Variants in TRAK1 observed in about 807,000 individuals in gnomAD.
TRAK1 encodes trafficking kinesin-binding protein 1.
A neutral mutation model predicts 92.1 loss-of-function variants in TRAK1; 33 were observed. The ratio of observed to expected loss-of-function variants is 0.36; its 90% CI spans 0.27 to 0.48. The LOEUF (loss-of-function observed/expected upper bound fraction) is 0.48, where lower values mean the gene tolerates loss of function less well. Ranked by LOEUF, TRAK1 falls within the 20% of genes least tolerant of loss-of-function variation. The pLI is 0.99. For missense variants in TRAK1, 1,123 were observed against 1,257.9 expected (o/e 0.89, Z 1.62); for synonymous variants, 521 against 517.3 (o/e 1.01, Z -0.10).
chr3:42,112,910 A>G (rs1362612749), intron 1 of TRAK1, among the ~76,000 whole-genome samples: 1 of 152,000 alleles, frequency 6.6e-6, no homozygotes, highest in African/African-American at 2.4e-5. Flanking sequence ...AGCTGGGGCT[A>G]CAGGTGTGTG....
intron 2 of TRAK1, among the ~76,000 whole-genome samples, chr3:42,175,871 GTTAT>G (rs915730956): frequency 6.6e-5 from 10 of 152,138 alleles, no homozygotes; most frequent in African/African-American, 2.2e-4. Flanking sequence ...TTACTAAGAA[GTTAT>G]TTATTTAGTC....
chr3:42,140,769 G>A (rs1698545656), intron 2 of TRAK1, among the ~76,000 whole-genome samples: 1 of 152,254 alleles, frequency 6.6e-6, no homozygotes, highest in Non-Finnish European at 1.5e-5. Flanking sequence ...CTCAAGGACG[G>A]AAGGTTAGGA....
intron 6 of TRAK1, among the ~76,000 whole-genome samples, chr3:42,190,325 A>T (rs1429615532): frequency 6.6e-6 from 1 of 152,124 alleles, no homozygotes; most frequent in Non-Finnish European, 1.5e-5. Context: ...CCATCTGTCA[A>T]CTTGAACTTG....
chr3:42,157,456 T>C (rs1455600721), intron 2 of TRAK1, among the ~76,000 whole-genome samples: 2 of 3,894 alleles, frequency 5.1e-4, no homozygotes, highest in African/African-American at 1.2e-3. Flanking sequence ...AGACCCTGTC[T>C]CAAAAAAAAA....
At chr3:42,106,515 T>C (rs1198956474) in intron 1 of TRAK1, among the ~76,000 whole-genome samples, 1 of 152,174 alleles carries the variant, frequency 6.6e-6, no homozygotes, top group African/African-American at 2.4e-5. Flanking sequence ...CTTCTTTATT[T>C]AAGATAAAAA....
intron 2 of TRAK1, among the ~76,000 whole-genome samples, chr3:42,127,641 G>A (rs192802051): frequency 1.1e-4 from 17 of 152,282 alleles, no homozygotes; most frequent in Non-Finnish European, 1.5e-4. Flanking sequence ...GAAATCAGGT[G>A]TGAGCCACTG....
At chr3:42,219,199 C>T (rs1017850916) in intron 14 of TRAK1, 5 of 985,066 alleles carry the variant, frequency 5.1e-6, no homozygotes, top group East Asian at 1.1e-4. Flanking sequence ...CCCCACCCCC[C>T]TCGCCTCCCA....
chr3:42,202,649 G>A lies in TRAK1; in HGVS notation c.1641G>A (p.Leu547=), dbSNP rs751607340. 13 of 1,612,444 alleles carry A rather than the reference G, an allele frequency of 8.1e-6. No individual in the cohort carries two copies. In the East Asian group the frequency reaches 2.9e-4, roughly 36 times the overall value. The part of the protein sequence containing the change: ...SLTPTESIMS[L]GTHSRFSEFT... The stretch of plus-strand genomic sequence containing the variant: ...CACCCACTGAGAGCATCATGTCCCT[G>A]GGCACGCACTCCCGCTTCTCCGAGT... Residue 547 remains leucine (L), a synonymous_variant, in exon 13 of 16, where the codon CTG becomes CTA. Transcript: ENST00000327628. This position sits in a 1 kb window ranked among gnomAD's most constrained non-coding sequence, Gnocchi z 6.1.
At chr3:42,207,767 G>C (rs531528729) in intron 13 of TRAK1, among the ~76,000 whole-genome samples, 1 of 152,186 alleles carries the variant, frequency 6.6e-6, no homozygotes, top group Non-Finnish European at 1.5e-5. Flanking sequence ...AGTGTTGCTA[G>C]CATGCACACT....
At chr3:42,222,054 C>G (rs894571837) in intron 15 of TRAK1, 4 of 152,046 alleles carry the variant, frequency 2.6e-5, no homozygotes, top group Non-Finnish European at 5.9e-5. Context: ...CAATGCATTC[C>G]CCTCTGCTGC....
intron 1 of TRAK1, among the ~76,000 whole-genome samples, chr3:42,056,170 A>G (rs1283270584): frequency 6.6e-6 from 1 of 151,974 alleles, no homozygotes; most frequent in Non-Finnish European, 1.5e-5. Context: ...TATTGTGGAC[A>G]TTTGTTTTCA....
intron 2 of TRAK1, among the ~76,000 whole-genome samples, chr3:42,134,510 C>T (rs987873000): frequency 6.6e-6 from 1 of 150,556 alleles, no homozygotes; most frequent in African/African-American, 2.4e-5. Flanking sequence ...CTCCTGGCCT[C>T]AAGTGATCCA....
chr3:42,018,037 G>T (rs766280512), intron 1 of TRAK1, among the ~76,000 whole-genome samples: 2 of 140,336 alleles, frequency 1.4e-5, no homozygotes, highest in African/African-American at 5.3e-5. Flanking sequence ...GATCACTTGA[G>T]CCCAGGAGTT....
intron 1 of TRAK1, among the ~76,000 whole-genome samples, chr3:42,020,758 G>T (rs944694522): frequency 6.6e-6 from 1 of 152,194 alleles, no homozygotes; most frequent in African/African-American, 2.4e-5. Flanking sequence ...AAGAAAAAAA[G>T]ATAACTCTGT....
At chr3:42,196,635 T>G (rs1706682985) in intron 10 of TRAK1, among the ~76,000 whole-genome samples, 1 of 151,568 alleles carries the variant, frequency 6.6e-6, no homozygotes, top group Non-Finnish European at 1.5e-5. Flanking sequence ...TCTCCTGAGT[T>G]CAAGCGATTC....
At chr3:42,022,593 G>A (rs1701759172) in intron 1 of TRAK1, among the ~76,000 whole-genome samples, 1 of 152,010 alleles carries the variant, frequency 6.6e-6, no homozygotes, top group Non-Finnish European at 1.5e-5. Flanking sequence ...ATGGTGGTGT[G>A]CCCCAGTAGT....
At chr3:42,134,747 T>A (rs539071323) in intron 2 of TRAK1, among the ~76,000 whole-genome samples, 1 of 151,626 alleles carries the variant, frequency 6.6e-6, no homozygotes, top group South Asian at 2.1e-4. Flanking sequence ...CCCGGCTAAT[T>A]TTTTTGTATT....
intron 11 of TRAK1, 80 bp downstream of exon 11, chr3:42,199,333 G>T: frequency 7.2e-7 from 1 of 1,397,042 alleles, no homozygotes; most frequent in Non-Finnish European, 1.0e-6. Context: ...TAGCAATGTT[G>T]AGGCTCTGGG....
chr3:42,201,853 TGGACGGACGGACGGAC>T (rs10531282), intron 12 of TRAK1, among the ~76,000 whole-genome samples: 1 of 127,912 alleles, frequency 7.8e-6, no homozygotes, highest in Non-Finnish European at 1.7e-5. Context: ...CTGCAGAACC[TGGACGGACGGACGGAC>T]GGACGGACAG....
Sources: gnomAD v4.1 joint callset for allele counts (sites outside exome capture counted in the v4.1 genomes callset) on GRCh38, gnomAD v4.1.1 for gene constraint, Gnocchi (gnomAD v3.1) non-coding constraint, MANE v1.5 for transcripts, NCBI Gene and HGNC (gene_info 2026-07-23, HGNC 2026-07-21) for gene names.